PPARGC1A: variants seen among roughly 807,000 people sequenced by gnomAD.
The protein encoded by PPARGC1A is PPARG coactivator 1 alpha.
PPARGC1A carries 25 observed loss-of-function variants against 88.7 expected under a neutral mutation model. That is an observed-to-expected ratio of 0.28 (90% confidence interval 0.21 to 0.39). The LOEUF (loss-of-function observed/expected upper bound fraction) is 0.39. Among genes scored for constraint, PPARGC1A ranks in the 10% least tolerant of loss-of-function variants. The pLI, the probability that PPARGC1A is intolerant of heterozygous loss-of-function variation, is 1.00. For missense variants in PPARGC1A, 880 were observed against 968.7 expected, an observed-to-expected ratio of 0.91 and a Z score of 1.22; for synonymous variants, 363 against 355.6, an observed-to-expected ratio of 1.02 and a Z score of -0.24.
chr4:23,967,851 G>A, the PPARGC1A span, among the ~76,000 whole-genome samples: 1 of 151,956 alleles, frequency 6.6e-6, no homozygotes, highest in Admixed American at 6.6e-5. Flanking sequence ...GGTGTGCAAG[G>A]GCTGTGTTGA....
At chr4:24,095,006 G>A in the PPARGC1A span, among the ~76,000 whole-genome samples, 12 of 152,032 alleles carry the variant, frequency 7.9e-5, no homozygotes, top group Non-Finnish European at 1.8e-4. Context: ...GACACTGCTG[G>A]GAGATTCTTT....
the PPARGC1A span, among the ~76,000 whole-genome samples, chr4:24,337,798 T>C: frequency 1.3e-5 from 2 of 152,022 alleles, no homozygotes; most frequent in South Asian, 2.1e-4. Context: ...AAACTTCACA[T>C]TGGACTCATC....
At chr4:24,233,579 AACACAT>A in the PPARGC1A span, among the ~76,000 whole-genome samples, 2 of 93,904 alleles carry the variant, frequency 2.1e-5, no homozygotes, top group Middle Eastern at 5.6e-3. Flanking sequence ...GACACACACA[AACACAT>A]ACACACACAC....
chr4:24,288,128 G>T, the PPARGC1A span, among the ~76,000 whole-genome samples: 1 of 152,118 alleles, frequency 6.6e-6, no homozygotes, highest in Non-Finnish European at 1.5e-5. Context: ...CCTGTTCTCT[G>T]AGTAGCTTTA....
chr4:24,456,487 G>A, the PPARGC1A span, among the ~76,000 whole-genome samples: 4 of 152,138 alleles, frequency 2.6e-5, no homozygotes, highest in Non-Finnish European at 5.9e-5. Context: ...TGACGCTGAA[G>A]TTGAGGATAA....
chr4:23,917,384 T>C, the PPARGC1A span, among the ~76,000 whole-genome samples: 16 of 151,550 alleles, frequency 1.1e-4, no homozygotes, highest in Middle Eastern at 3.4e-3. Flanking sequence ...TTCTTTTTTT[T>C]TTTTTTTTGA....
the PPARGC1A span, among the ~76,000 whole-genome samples, chr4:24,352,774 G>GGTGT: frequency 2.4e-4 from 36 of 152,334 alleles, no homozygotes; most frequent in African/African-American, 6.5e-4. Context: ...AAAACCTGCT[G>GGTGT]GTGTTTGTTA....
chr4:23,884,702 G>T, intron 2 of PPARGC1A, 50 bp downstream of exon 2: 1 of 1,550,152 alleles, frequency 6.5e-7, no homozygotes, highest in East Asian at 2.3e-5. Context: ...TGTTAGTCGG[G>T]CCCAAGCCAA....
At chr4:23,967,735 C>T in the PPARGC1A span, among the ~76,000 whole-genome samples, 21 of 152,232 alleles carry the variant, frequency 1.4e-4, no homozygotes, top group Admixed American at 1.4e-3. Context: ...TTTCCTCCAT[C>T]CTCCTTTCTT....
the PPARGC1A span, among the ~76,000 whole-genome samples, chr4:24,182,346 C>T: frequency 6.6e-6 from 1 of 152,164 alleles, no homozygotes; most frequent in Non-Finnish European, 1.5e-5. Flanking sequence ...TTTATGGCTG[C>T]ATAGTATTTC....
the PPARGC1A span, among the ~76,000 whole-genome samples, chr4:24,263,451 G>T: frequency 1.7e-5 from 1 of 57,472 alleles, no homozygotes; most frequent in Non-Finnish European, 3.2e-5. Flanking sequence ...ACACATGTGG[G>T]TGTATACACA....
the PPARGC1A span, among the ~76,000 whole-genome samples, chr4:24,063,854 A>G: frequency 1.3e-5 from 2 of 152,102 alleles, no homozygotes; most frequent in Non-Finnish European, 2.9e-5. Flanking sequence ...CCCTCTTCCC[A>G]GACTCAGAAT....
chr4:24,317,887 G>A, the PPARGC1A span, among the ~76,000 whole-genome samples: 1 of 152,208 alleles, frequency 6.6e-6, no homozygotes, highest in African/African-American at 2.4e-5. Context: ...AAAGGAATCT[G>A]TGGGCATAAT....
At chr4:23,957,278 G>T in the PPARGC1A span, among the ~76,000 whole-genome samples, 1 of 152,020 alleles carries the variant, frequency 6.6e-6, no homozygotes. Flanking sequence ...CCCAACATAT[G>T]AAAATGCCAA....
chr4:24,113,808 T>C, the PPARGC1A span, among the ~76,000 whole-genome samples: 1 of 151,932 alleles, frequency 6.6e-6, no homozygotes, highest in East Asian at 1.9e-4. Flanking sequence ...GCAATAAACA[T>C]GAAGAGAAAG....
intron 2 of PPARGC1A, among the ~76,000 whole-genome samples, chr4:23,839,772 C>T (rs1726714438): frequency 6.7e-6 from 1 of 150,236 alleles, no homozygotes; most frequent in East Asian, 2.0e-4. Context: ...GGGAACAAGT[C>T]ACATCTTACG....
chr4:23,947,627 G>A, the PPARGC1A span, among the ~76,000 whole-genome samples: 671 of 151,900 alleles, frequency 4.4e-3, 3 homozygotes, highest in African/African-American at 0.015. Flanking sequence ...AAAACCAATA[G>A]CCACTAAATC....
the PPARGC1A span, among the ~76,000 whole-genome samples, chr4:24,187,927 G>C: frequency 6.6e-6 from 1 of 152,220 alleles, no homozygotes; most frequent in Admixed American, 6.5e-5. Flanking sequence ...ATCTTTTGAA[G>C]ATGGAATATT....
chr4:24,037,811 C>T, the PPARGC1A span, among the ~76,000 whole-genome samples: 2 of 152,132 alleles, frequency 1.3e-5, no homozygotes, highest in Non-Finnish European at 2.9e-5. Flanking sequence ...GCTCCTTTAT[C>T]CATTTACCTG....
Sources: allele counts gnomAD v4.1 joint callset (sites outside exome capture counted in the v4.1 genomes callset), GRCh38; gene constraint gnomAD v4.1.1; transcripts MANE v1.5; gene names NCBI Gene and HGNC (gene_info 2026-07-23, HGNC 2026-07-21).